The following TBC1D8 variants were observed in gnomAD, a reference collection of about 807,000 sequenced individuals.
TBC1D8 encodes BUB2-like protein 1.
Under a neutral mutation model 118.8 loss-of-function variants are expected in TBC1D8, and 65 were observed. That is an observed-to-expected ratio of 0.55 (90% CI 0.45 to 0.67). TBC1D8 has a LOEUF of 0.67. TBC1D8 is among the 30% of genes least tolerant of loss of function. The pLI is 0.00. For missense variants in TBC1D8, 1,376 were observed against 1,471.2 expected (o/e 0.94, Z 1.06); for synonymous variants, 566 against 595.8 (o/e 0.95, Z 0.73).
intron 2 of TBC1D8, among the ~76,000 whole-genome samples, chr2:101,063,690 C>T (rs1682879042): frequency 6.6e-6 from 1 of 152,096 alleles, no homozygotes; most frequent in African/African-American, 2.4e-5. Flanking sequence ...TGTCACATAT[C>T]ACAGTTCTCA....
intron 1 of TBC1D8, among the ~76,000 whole-genome samples, chr2:101,142,056 G>T (rs1430873318): frequency 1.3e-5 from 2 of 152,096 alleles, no homozygotes; most frequent in Non-Finnish European, 2.9e-5. Flanking sequence ...CATTAGCAAG[G>T]ATGTACCACT....
In TBC1D8 at chr2:101,029,251, T is replaced by C. The variant is rs147265574; in HGVS notation, c.2222+240A>G. Among the ~76,000 whole-genome samples the C allele has an allele frequency of 7.7e-3, 1,167 of 152,202 alleles. 16 individuals are homozygous for C. Among genetic ancestry groups the C allele is most frequent in the African/African-American group, 0.027 (1,108 of 41,522 alleles). ...TAAAAATACAAAAATTAGCCGAGCA[T>C]GGTGGTGGGTTCCTGTAGTCCCAGC... On this transcript the variant is annotated intron_variant, in intron 12 of 19. Transcript: ENST00000409318.
intron 1 of TBC1D8, among the ~76,000 whole-genome samples, chr2:101,134,609 G>A (rs903191045): frequency 1.3e-5 from 2 of 152,148 alleles, no homozygotes; most frequent in Admixed American, 1.3e-4. Flanking sequence ...ACATGGCAGA[G>A]AGGGTAAGCT....
chr2:101,146,083 A>G (rs1679306032), intron 1 of TBC1D8, among the ~76,000 whole-genome samples: 1 of 152,142 alleles, frequency 6.6e-6, no homozygotes, highest in Admixed American at 6.5e-5. Flanking sequence ...TATTTTAATC[A>G]TAACCATTAT....
At chr2:101,027,510 G>A in intron 14 of TBC1D8, 59 bp from the exon 15 acceptor site, 1 of 1,493,524 alleles carries the variant, frequency 6.7e-7, no homozygotes, top group Non-Finnish European at 9.3e-7. Context: ...CCAGGGGTCA[G>A]GGCAAGAGGG....
At chr2:101,080,627 A>C (rs112363723) in intron 2 of TBC1D8, among the ~76,000 whole-genome samples, 2 of 152,178 alleles carry the variant, frequency 1.3e-5, no homozygotes, top group African/African-American at 4.8e-5. Flanking sequence ...CGATGCCTGA[A>C]GCAGCCCTGG....
rs141201698 is a variant in TBC1D8 at position 101,086,316 on chromosome 2, CATA to C, written c.283+3890_283+3892del. Among the ~76,000 whole-genome samples the C allele has an allele frequency of 5.6e-3, 850 of 152,112 alleles. 7 individuals are homozygous for C. Among genetic ancestry groups the C allele is most frequent in the African/African-American group, 0.019 (779 of 41,494 alleles). On this transcript the variant is annotated intron_variant, in intron 2 of 19. Coordinates refer to ENST00000409318, the MANE Select transcript of TBC1D8 (RefSeq NM_001330348.2). ...TGAAAAGCAGATAACAGCTATCCAACATAAAGTATCCTTGAAGTGGAAAAGTTA... is the reference window on the plus strand; with the variant it reads ...TGAAAAGCAGATAACAGCTATCCAACAAGTATCCTTGAAGTGGAAAAGTTA...
At chr2:101,031,671 T>C (rs749129984) in intron 11 of TBC1D8, among the ~76,000 whole-genome samples, 1 of 152,304 alleles carries the variant, frequency 6.6e-6, no homozygotes, top group Non-Finnish European at 1.5e-5. Context: ...GCAGGAGCGT[T>C]GCAAGGCCAC....
chr2:101,096,036 A>G (rs1676397364), intron 1 of TBC1D8, among the ~76,000 whole-genome samples: 1 of 152,160 alleles, frequency 6.6e-6, no homozygotes, highest in South Asian at 2.1e-4. Flanking sequence ...GTATGGCAAG[A>G]CTCAGACTCT....
At chr2:101,061,052 G>A (rs1389387654) in intron 2 of TBC1D8, among the ~76,000 whole-genome samples, 2 of 152,024 alleles carry the variant, frequency 1.3e-5, no homozygotes, top group Non-Finnish European at 2.9e-5. Context: ...GCCAGTCACG[G>A]TGGTGGGCCC....
chr2:101,136,740 A>G (rs1678866997), intron 1 of TBC1D8, among the ~76,000 whole-genome samples: 2 of 152,232 alleles, frequency 1.3e-5, no homozygotes, highest in South Asian at 4.1e-4. Context: ...AACCCTTGCC[A>G]TGGCTGAATC....
At chr2:101,094,591 C>T (rs1357398599) in intron 1 of TBC1D8, among the ~76,000 whole-genome samples, 4 of 152,098 alleles carry the variant, frequency 2.6e-5, no homozygotes, top group Admixed American at 6.5e-5. Context: ...GGGTGTGCAG[C>T]CACAATATGG....
chr2:101,122,231 C>T (rs894869410), intron 1 of TBC1D8, among the ~76,000 whole-genome samples: 4 of 150,828 alleles, frequency 2.7e-5, no homozygotes, highest in African/African-American at 9.7e-5. Context: ...GCCACCATAC[C>T]CAGCTAATTT....
intron 2 of TBC1D8, among the ~76,000 whole-genome samples, chr2:101,064,540 G>A (rs1298026091): frequency 1.3e-5 from 2 of 152,120 alleles, no homozygotes; most frequent in African/African-American, 2.4e-5. Flanking sequence ...GTGAAACTAC[G>A]CCTGTCTTAT....
intron 2 of TBC1D8, among the ~76,000 whole-genome samples, chr2:101,069,188 G>C (rs1683173591): frequency 6.6e-6 from 1 of 151,574 alleles, no homozygotes; most frequent in Admixed American, 6.6e-5. Flanking sequence ...GTCTACTCGG[G>C]AGGCTGAGGC....
intron 5 of TBC1D8, among the ~76,000 whole-genome samples, chr2:101,048,740 TA>T (rs35930111): frequency 0.011 from 1,422 of 132,140 alleles, 18 homozygotes; most frequent in African/African-American, 0.039. Context: ...TAAGTCTTTT[TA>T]AAAAAAAAAA....
intron 5 of TBC1D8, 123 bp downstream of exon 5, chr2:101,050,278 T>C: frequency 7.1e-7 from 1 of 1,412,716 alleles, no homozygotes; most frequent in African/African-American, 1.4e-5. Flanking sequence ...ATCTGGATTA[T>C]GCCACAAGGG....
intron 2 of TBC1D8, among the ~76,000 whole-genome samples, chr2:101,079,742 G>A (rs917327873): frequency 1.5e-4 from 20 of 133,508 alleles, no homozygotes; most frequent in Non-Finnish European, 9.2e-5. Flanking sequence ...CTGGAGTGCA[G>A]TGGTGCGATC....
intron 15 of TBC1D8, chr2:101,024,130 G>C (rs1170945818): frequency 6.6e-6 from 1 of 152,116 alleles, no homozygotes; most frequent in Non-Finnish European, 1.5e-5. Flanking sequence ...CATATGCCAA[G>C]GACAAATATT....
Sources: gnomAD v4.1 joint callset for allele counts (sites outside exome capture counted in the v4.1 genomes callset) on GRCh38, gnomAD v4.1.1 for gene constraint, MANE v1.5 for transcripts, NCBI Gene and HGNC (gene_info 2026-07-23, HGNC 2026-07-21) for gene names.